The following CDC42BPA variants were observed in gnomAD, a reference collection of about 807,000 sequenced individuals.
The protein encoded by CDC42BPA is serine/threonine-protein kinase MRCK alpha.
Under a neutral mutation model 223.5 loss-of-function variants are expected in CDC42BPA, and 80 were observed. The ratio of observed to expected loss-of-function variants is 0.36; its 90% CI spans 0.30 to 0.43. CDC42BPA has a LOEUF of 0.43. Ranked by LOEUF, CDC42BPA falls within the 20% of genes least tolerant of loss-of-function variation. CDC42BPA has a pLI of 1.00. For missense variants in CDC42BPA, 1,743 were observed against 2,099.9 expected (o/e 0.83, Z 3.32); for synonymous variants, 694 against 718.6 (o/e 0.97, Z 0.55).
intron 2 of CDC42BPA, among the ~76,000 whole-genome samples, chr1:227,240,066 A>T (rs1679766369): frequency 6.6e-6 from 1 of 152,146 alleles, no homozygotes. Flanking sequence ...ACTACTAAAA[A>T]ATAAATGACT....
rs146478864 is a variant in CDC42BPA, at chr1:227,157,645, C to T, written c.693+2898G>A. ...CACATTTGGGAAGGTTGAGCCATTA[C>T]GTACACATTTTTTTTTCCCCACATC... On this transcript the variant is annotated intron_variant, in intron 6 of 36. Transcript: ENST00000366766. 5.2e-3 allele frequency among the ~76,000 whole-genome samples: 790 copies of T among 152,184 alleles called. 2 individuals are homozygous for T. Among genetic ancestry groups the T allele is most frequent in the Middle Eastern group, 0.021 (6 of 292 alleles).
At chr1:227,131,419 G>C (rs1307088833) in intron 10 of CDC42BPA, among the ~76,000 whole-genome samples, 1 of 152,194 alleles carries the variant, frequency 6.6e-6, no homozygotes, top group Non-Finnish European at 1.5e-5. Context: ...AAGTCCACTA[G>C]GGGGCTTCAG....
In CDC42BPA at chr1:226,994,385, C is replaced by T. The variant is rs763391096; in HGVS notation, c.5148G>A (p.Pro1716=). Residue 1716 remains proline, a synonymous_variant, in exon 37 of 37, where the codon CCG becomes CCA. Coordinates refer to ENST00000366766, the MANE Select transcript of CDC42BPA (RefSeq NM_001394014.1). The surrounding 1 kb of genome is among the most constrained non-coding windows in gnomAD (Gnocchi z 4.0). ...RDFDGEDSDS[P]RHSTASNSSN... ...AACTGTTGGAAGCTGTGGAATGCCT[C>T]GGAGAGTCAGAGTCCTGTAAGGCCC... is the stretch of plus-strand genomic sequence containing the variant. 4.5e-6 allele frequency: 7 copies of T among 1,565,084 alleles called. No homozygotes were observed. Among genetic ancestry groups the T allele is most frequent in the East Asian group, 2.3e-5 (1 of 43,052 alleles).
intron 14 of CDC42BPA, among the ~76,000 whole-genome samples, chr1:227,110,361 A>G (rs1250716229): frequency 6.6e-6 from 1 of 152,190 alleles, no homozygotes; most frequent in Admixed American, 6.5e-5. Flanking sequence ...CTTATTTACT[A>G]GGTAGGTGTT....
chr1:227,145,528 T>C lies in CDC42BPA; in HGVS notation c.1104A>G (p.Thr368=), dbSNP rs1660564314. The C allele has an allele frequency of 1.9e-6, 3 of 1,613,532 alleles. No homozygotes were observed. The highest frequency in any genetic ancestry group is 1.7e-4 in the Middle Eastern group (1 of 6,056). The change falls in exon 8 of 37, where the codon ACA becomes ACG. Residue 368 remains threonine, a synonymous_variant. Coordinates refer to ENST00000366766, the MANE Select transcript of CDC42BPA (RefSeq NM_001394014.1). ...AATCATCATCTACATCAAAATTCGATGTATCTGTTGGGCTACTAACTTCTG... is the reference window on the plus strand; with the variant it reads ...AATCATCATCTACATCAAAATTCGACGTATCTGTTGGGCTACTAACTTCTG... ...YIPEVSSPTD[T]SNFDVDDDCL...
intron 5 of CDC42BPA, among the ~76,000 whole-genome samples, chr1:227,167,458 TA>T: frequency 1.3e-5 from 2 of 152,326 alleles, no homozygotes; most frequent in Middle Eastern, 6.8e-3. Context: ...CACTGCTGGT[TA>T]TTCTCCCAAC....
At chr1:227,278,866 G>A (rs1016733402) in intron 1 of CDC42BPA, among the ~76,000 whole-genome samples, 25 of 152,100 alleles carry the variant, frequency 1.6e-4, no homozygotes, top group African/African-American at 5.8e-4. Flanking sequence ...TTTTAGCACT[G>A]TTAAGGCATT....
At chr1:227,287,528 A>G (rs1163990907) in intron 1 of CDC42BPA, among the ~76,000 whole-genome samples, 3 of 152,220 alleles carry the variant, frequency 2.0e-5, no homozygotes, top group Admixed American at 6.5e-5. Context: ...AAGTTTTAAC[A>G]AAGTTAGAAT....
chr1:227,069,512 T>C (rs891035294), intron 21 of CDC42BPA: 5 of 258,908 alleles, frequency 1.9e-5, no homozygotes, highest in Admixed American at 5.3e-5. Context: ...GCTCTTAATG[T>C]TTCTTAAGGG....
intron 6 of CDC42BPA, among the ~76,000 whole-genome samples, chr1:227,150,855 G>GAAAA (rs1215614965): frequency 1.4e-5 from 1 of 71,126 alleles, no homozygotes; most frequent in Non-Finnish European, 2.9e-5. Flanking sequence ...TTACCTCCCT[G>GAAAA]AAAAAAAAAA....
At chr1:227,044,915 A>C (rs1672120341) in intron 23 of CDC42BPA, among the ~76,000 whole-genome samples, 6 of 152,176 alleles carry the variant, frequency 3.9e-5, no homozygotes, top group Admixed American at 1.3e-4. Context: ...CTCTATCACT[A>C]AATCTTCCAG....
In CDC42BPA at chr1:227,139,686, A is replaced by C. The variant is rs1659316030; in HGVS notation, c.1280T>G (p.Leu427Arg). The C allele has an allele frequency of 6.2e-7, 1 of 1,608,142 alleles. No individual in the cohort carries two copies. Among genetic ancestry groups the C allele is most frequent in the Non-Finnish European group, 8.5e-7 (1 of 1,177,562 alleles). ...RVTAGPTSLD[L>R]DVNVQRTLDN... The stretch of plus-strand genomic sequence containing the variant: ...TAGAGTCCTCTGAACATTAACATCA[A>C]GATCCAGTGAGGTGGGACCAGCCGT... The change falls in exon 10 of 37, where the codon CTT (leucine) becomes CGT (arginine). Residue 427 changes from leucine (L) to arginine (R), a missense_variant. By Grantham distance (102) the Leu-to-Arg change is moderately radical. Around this residue, in one of 6 missense-constraint regions of CDC42BPA, gnomAD observed 464 missense variants for 488.0 expected, o/e 0.95. Transcript: ENST00000366766.
intron 21 of CDC42BPA, among the ~76,000 whole-genome samples, chr1:227,068,164 T>A (rs993224881): frequency 2.0e-5 from 3 of 151,850 alleles, no homozygotes; most frequent in Non-Finnish European, 2.9e-5. Flanking sequence ...AAACATTGAT[T>A]TATTTTAAAA....
chr1:227,213,678 A>G (rs1572404226), intron 2 of CDC42BPA, among the ~76,000 whole-genome samples: 1 of 152,288 alleles, frequency 6.6e-6, no homozygotes, highest in East Asian at 1.9e-4. Context: ...TGTGAGGATC[A>G]AACAATATGA....
intron 1 of CDC42BPA, among the ~76,000 whole-genome samples, chr1:227,307,722 G>A (rs4300186): frequency 0.15 from 22,816 of 152,044 alleles, 2,079 homozygotes; most frequent in African/African-American, 0.24. Context: ...CACACCACAC[G>A]TTTGTGTCGT....
In CDC42BPA at chr1:227,317,075, G is replaced by T; in HGVS notation, c.108C>A (p.Ile36=). The change falls in exon 1 of 37, where the codon ATC becomes ATA. Residue 36 remains isoleucine, a synonymous_variant. Transcript: ENST00000366766. ...AATTATTGCATTCATCATAAAGGCA[G>T]ATGAGTATATCCAGTAATGTCTCCA... ...FSVETLLDIL[I]CLYDECNNSP... 6.2e-7 allele frequency: 1 copy of T among 1,613,814 alleles called. No individual in the cohort carries two copies. Among genetic ancestry groups the T allele is most frequent in the Non-Finnish European group, 8.5e-7 (1 of 1,179,726 alleles).
At chr1:227,264,077 T>G (rs1254346423) in intron 1 of CDC42BPA, among the ~76,000 whole-genome samples, 41 of 152,246 alleles carry the variant, frequency 2.7e-4, no homozygotes, top group Admixed American at 2.7e-3. Flanking sequence ...TGTCTATTCA[T>G]GAAGACAGCT....
chr1:227,029,304 C>T (rs3820651), intron 29 of CDC42BPA, 54 bp from the exon 30 acceptor site: 197,591 of 1,132,272 alleles, frequency 0.17, 19,039 homozygotes, highest in South Asian at 0.33. Context: ...TTAATCATAT[C>T]CCAATTATAC....
chr1:227,316,946 C>G, intron 1 of CDC42BPA, 59 bp downstream of exon 1: 1 of 1,282,942 alleles, frequency 7.8e-7, no homozygotes, highest in South Asian at 1.2e-5. Flanking sequence ...CTCTCTATAC[C>G]AATTAAATCA....
Sources: gnomAD v4.1 joint callset for allele counts (sites outside exome capture counted in the v4.1 genomes callset) on GRCh38, gnomAD v4.1.1 for gene constraint, gnomAD v4.1.1 regional missense constraint, Gnocchi (gnomAD v3.1) non-coding constraint, MANE v1.5 for transcripts, NCBI Gene and HGNC (gene_info 2026-07-23, HGNC 2026-07-21) for gene names.